DMGDH: variants seen among roughly 807,000 people sequenced by gnomAD.
DMGDH encodes dimethylglycine dehydrogenase.
DMGDH carries 76 observed loss-of-function variants against 95.2 expected under a neutral mutation model. That is an observed-to-expected ratio of 0.80 (90% CI 0.66 to 0.97). The LOEUF is 0.97. DMGDH is among the 50% of genes least tolerant of loss of function. The probability of loss-of-function intolerance (pLI) is 0.00; values close to 1 mark genes in which losing one functional copy is unlikely to be tolerated. For missense variants in DMGDH, 987 were observed against 1,055.0 expected, an observed-to-expected ratio of 0.94 and a Z score of 0.89; for synonymous variants, 345 against 377.6, an observed-to-expected ratio of 0.91 and a Z score of 1.00.
At chr5:79,060,091 A>C (rs1241255197) in intron 2 of DMGDH, among the ~76,000 whole-genome samples, 1 of 152,258 alleles carries the variant, frequency 6.6e-6, no homozygotes, top group Non-Finnish European at 1.5e-5. Flanking sequence ...GAAATCATAC[A>C]CAACACATCA....
chr5:79,051,259 A>G, intron 5 of DMGDH, 28 bp downstream of exon 5: 1 of 1,608,674 alleles, frequency 6.2e-7, no homozygotes, highest in Non-Finnish European at 8.5e-7. Flanking sequence ...CTTAAAAAAC[A>G]CTAATTTCAA....
chr5:79,029,791 G>T, intron 11 of DMGDH, 113 bp downstream of exon 11: 1 of 1,127,272 alleles, frequency 8.9e-7, no homozygotes, highest in Non-Finnish European at 1.3e-6. Flanking sequence ...GAAACAATCA[G>T]GTTTAAGAAG....
intron 4 of DMGDH, among the ~76,000 whole-genome samples, chr5:79,052,234 G>C (rs1199746025): frequency 1.3e-5 from 2 of 152,098 alleles, no homozygotes; most frequent in Non-Finnish European, 2.9e-5. Context: ...GAGGATTTTT[G>C]TATCTATGTT....
chr5:79,016,036 C>T (rs1461906495), intron 14 of DMGDH, among the ~76,000 whole-genome samples: 1 of 151,866 alleles, frequency 6.6e-6, no homozygotes, highest in Non-Finnish European at 1.5e-5. Context: ...AAGGCAAGCC[C>T]ATCTTGGCCA....
chr5:79,024,623 A>G (rs1374588632), intron 13 of DMGDH, among the ~76,000 whole-genome samples: 1 of 152,218 alleles, frequency 6.6e-6, no homozygotes, highest in Non-Finnish European at 1.5e-5. Flanking sequence ...TGTTTCTTCT[A>G]GAAACAAGAT....
At chr5:79,066,452 A>AT (rs762509914) in intron 1 of DMGDH, among the ~76,000 whole-genome samples, 1,500 of 138,920 alleles carry the variant, frequency 0.011, 9 homozygotes, top group African/African-American at 0.028. Flanking sequence ...CGCCCGGCTA[A>AT]TTTTTTTTTT....
At chr5:79,034,772 C>T (rs1436305617) in intron 7 of DMGDH, among the ~76,000 whole-genome samples, 1 of 152,184 alleles carries the variant, frequency 6.6e-6, no homozygotes, top group Non-Finnish European at 1.5e-5. Context: ...AAAAGACTTT[C>T]TCAGGCCGGG....
intron 13 of DMGDH, 96 bp downstream of exon 13, chr5:79,026,328 C>T (rs1341212132): frequency 4.0e-6 from 6 of 1,496,310 alleles, no homozygotes; most frequent in South Asian, 1.2e-5. Flanking sequence ...ATTTCTCTTA[C>T]AGCCAAAACC....
intron 14 of DMGDH, among the ~76,000 whole-genome samples, chr5:79,008,846 C>T (rs987152296): frequency 6.6e-6 from 1 of 152,122 alleles, no homozygotes; most frequent in Non-Finnish European, 1.5e-5. Flanking sequence ...TATGCCCTTG[C>T]TGTGTCACAT....
intron 7 of DMGDH, among the ~76,000 whole-genome samples, chr5:79,038,843 A>G (rs1754420490): frequency 6.6e-6 from 1 of 152,150 alleles, no homozygotes; most frequent in Admixed American, 6.5e-5. Context: ...TCTACAAAGA[A>G]CTCAAACAAA....
chr5:79,016,890 T>A (rs1214054780), intron 14 of DMGDH, among the ~76,000 whole-genome samples: 1 of 151,958 alleles, frequency 6.6e-6, no homozygotes, highest in Non-Finnish European at 1.5e-5. Flanking sequence ...TACAAACAAA[T>A]GGACAAAGAT....
chr5:79,014,823 G>C (rs947938883), intron 14 of DMGDH, among the ~76,000 whole-genome samples: 2 of 152,140 alleles, frequency 1.3e-5, no homozygotes, highest in African/African-American at 4.8e-5. Context: ...AAATGTCAGA[G>C]TCACAATTCA....
Position 79,001,032 on chromosome 5 carries a change from A to G in DMGDH, c.2386-2735T>C, listed in dbSNP as rs1433936787. 2.9e-6 allele frequency: 2 copies of G among 693,448 alleles called. 1 individual carries two copies. The highest frequency in any genetic ancestry group is 3.5e-5 in the South Asian group (2 of 57,380). 43.0% of individuals were successfully genotyped at this position (693,448 alleles called of 1,614,324 possible). ...ACAAAATATTTTGGCACAGTCATCAATGACACACCATTCCTCGCCATCAAT... is the reference window on the plus strand; with the variant it reads ...ACAAAATATTTTGGCACAGTCATCAGTGACACACCATTCCTCGCCATCAAT... On this transcript the variant is annotated intron_variant, in intron 15 of 15. Transcript: ENST00000255189.
At chr5:79,018,052 A>G (rs1172698062) in intron 14 of DMGDH, among the ~76,000 whole-genome samples, 4 of 152,128 alleles carry the variant, frequency 2.6e-5, no homozygotes, top group Non-Finnish European at 4.4e-5. Flanking sequence ...AAAGGGAATT[A>G]TTATTATTTT....
In DMGDH at chr5:79,007,927, TCAATGTTTTAACAGAAAA is replaced by T. The variant is rs1156724193; in HGVS notation, c.2251-2538_2251-2521del. On this transcript the variant is annotated intron_variant, in intron 14 of 15. Transcript: ENST00000255189. ...CCAGTCCTGAAATTACTACATCTCC[TCAATGTTTTAACAGAAAA>T]CAATGTTTTAACAGGAAAATGTTTT... Among the ~76,000 whole-genome samples, 8 of 152,180 alleles carry T rather than the reference TCAATGTTTTAACAGAAAA, an allele frequency of 5.3e-5. No individual in the cohort carries two copies. In the East Asian group the frequency reaches 9.6e-4, roughly 18 times the overall value.
At chr5:79,022,399 CAA>C (rs1254744210) in intron 14 of DMGDH, among the ~76,000 whole-genome samples, 1 of 152,118 alleles carries the variant, frequency 6.6e-6, no homozygotes, top group Non-Finnish European at 1.5e-5. Flanking sequence ...ACAAAACCAC[CAA>C]AGTTGATCTA....
At chr5:79,042,775 T>TA (rs5868946) in intron 6 of DMGDH, among the ~76,000 whole-genome samples, 11 of 151,752 alleles carry the variant, frequency 7.2e-5, no homozygotes, top group Admixed American at 1.3e-4. Flanking sequence ...CAGTTTTTTT[T>TA]AAAAAAAAAC....
In DMGDH at chr5:79,030,977, G is replaced by C. The variant is rs758756761; in HGVS notation, c.1539C>G (p.Asn513Lys). The C allele has an allele frequency of 1.2e-6, 2 of 1,614,172 alleles. No homozygotes were observed. Among genetic ancestry groups the C allele is most frequent in the Non-Finnish European group, 1.7e-6 (2 of 1,180,024 alleles). ...ACTCCGAGCCCACAGGCTCAAACCA[G>C]TTTGTGCGGCGAAAACTTGGCCTGA... Reference protein sequence around the residue: ...TQYRPSFRRTNWFEPVGSEYK... With the variant: ...TQYRPSFRRTKWFEPVGSEYK... The change falls in exon 10 of 16, where the codon AAC (asparagine) becomes AAG (lysine). Residue 513 changes from asparagine (N) to lysine (K), a missense_variant. Transcript: ENST00000255189.
chr5:79,011,895 T>A (rs62377919), intron 14 of DMGDH, among the ~76,000 whole-genome samples: 2 of 151,970 alleles, frequency 1.3e-5, no homozygotes, highest in African/African-American at 4.8e-5. Context: ...ACCTCCAACA[T>A]TGGGGATTAC....
Sources: gnomAD v4.1 joint callset for allele counts (sites outside exome capture counted in the v4.1 genomes callset) on GRCh38, gnomAD v4.1.1 for gene constraint, MANE v1.5 for transcripts, NCBI Gene and HGNC (gene_info 2026-07-23, HGNC 2026-07-21) for gene names.